Variants in TNR observed in about 807,000 individuals in gnomAD.
The protein encoded by TNR is tenascin-R.
In TNR, 45 loss-of-function variants were observed where a neutral mutation model predicts 150.4. The observed-to-expected ratio is 0.30, with a 90% CI of 0.24 to 0.38. The LOEUF is 0.38. Ranked by LOEUF, TNR falls within the 10% of genes least tolerant of loss-of-function variation. The probability of loss-of-function intolerance (pLI) is 1.00; values close to 1 mark genes in which losing one functional copy is unlikely to be tolerated. For missense variants in TNR, 1,544 were observed against 1,759.1 expected, an observed-to-expected ratio of 0.88 and a Z score of 2.19; for synonymous variants, 687 against 678.4, an observed-to-expected ratio of 1.01 and a Z score of -0.20.
intron 1 of TNR, among the ~76,000 whole-genome samples, chr1:175,626,041 G>A (rs1448225548): frequency 6.6e-6 from 1 of 152,138 alleles, no homozygotes; most frequent in Non-Finnish European, 1.5e-5. Flanking sequence ...AGTTTCACGA[G>A]GTCTGATGGG....
At chr1:175,561,391 A>G (rs1308264864) in intron 1 of TNR, among the ~76,000 whole-genome samples, 3 of 152,214 alleles carry the variant, frequency 2.0e-5, no homozygotes, top group Admixed American at 6.5e-5. Flanking sequence ...ATCATCATAC[A>G]TAGATCGCCT....
At chr1:175,737,683 C>T (rs1320020347) in intron 1 of TNR, among the ~76,000 whole-genome samples, 1 of 152,244 alleles carries the variant, frequency 6.6e-6, no homozygotes, top group Non-Finnish European at 1.5e-5. Flanking sequence ...ATAACCACAA[C>T]TTCCTCCTGG....
At chr1:175,700,594 C>T (rs1019061282) in intron 1 of TNR, among the ~76,000 whole-genome samples, 1 of 152,162 alleles carries the variant, frequency 6.6e-6, no homozygotes, top group Non-Finnish European at 1.5e-5. Flanking sequence ...ATGCCCACTG[C>T]CAAGCTCATG....
chr1:175,533,660 T>A (rs1213592950), intron 1 of TNR, among the ~76,000 whole-genome samples: 5 of 152,354 alleles, frequency 3.3e-5, no homozygotes, highest in Admixed American at 2.6e-4. Context: ...TCCATAATTA[T>A]CTTTTATTAT....
intron 2 of TNR, among the ~76,000 whole-genome samples, chr1:175,517,052 AGAGAGAAAGAG>A (rs1557981550): frequency 4.2e-4 from 60 of 141,272 alleles, no homozygotes; most frequent in African/African-American, 1.3e-3. Flanking sequence ...AGAGAGAGAG[AGAGAGAAAGAG>A]AGAGAGACCT....
intron 9 of TNR, among the ~76,000 whole-genome samples, chr1:175,368,674 G>A (rs1229354858): frequency 2.0e-5 from 3 of 152,198 alleles, no homozygotes; most frequent in Non-Finnish European, 4.4e-5. Flanking sequence ...CAAAGGCAGG[G>A]CACGGTGGCT....
In TNR at chr1:175,716,908, C is replaced by T. The variant is rs538960826; in HGVS notation, c.-165+26318G>A. Among the ~76,000 whole-genome samples the T allele has an allele frequency of 1.4e-4, 21 of 152,290 alleles. 1 individual carries two copies. Among genetic ancestry groups the T allele is most frequent in the African/African-American group, 4.8e-4 (20 of 41,552 alleles). ...CTTCTGCCTAGGATGACTTCCACTT[C>T]TCCCTCCATAGATGAAAATGCTCCC... On this transcript the variant is annotated intron_variant, in intron 1 of 22. Transcript: ENST00000367674.
rs576875257 is a variant in TNR, at chr1:175,700,243, A to T, written c.-165+42983T>A. ...ACAGCCCTCTCTTGGCCTCCCTGACACATCCAGTCATGGCTGAGCTAACAC... is the reference window on the plus strand; with the variant it reads ...ACAGCCCTCTCTTGGCCTCCCTGACTCATCCAGTCATGGCTGAGCTAACAC... On this transcript the variant is annotated intron_variant, in intron 1 of 22. Coordinates refer to ENST00000367674, the MANE Select transcript of TNR (RefSeq NM_003285.3). 6.0e-4 allele frequency among the ~76,000 whole-genome samples: 91 copies of T among 152,058 alleles called. No individual in the cohort carries two copies. The Middle Eastern group carries it at 0.02, about 34-fold the overall frequency.
chr1:175,366,300 C>T (rs958003918), intron 10 of TNR, among the ~76,000 whole-genome samples, 162 bp from the exon 11 acceptor site: 1 of 152,220 alleles, frequency 6.6e-6, no homozygotes, highest in Non-Finnish European at 1.5e-5. Flanking sequence ...TACCTTCCCT[C>T]TGAATGATGG....
Position 175,657,883 on chromosome 1 carries a change from A to ATATATATG in TNR, c.-165+85342_-165+85343insCATATATA, listed in dbSNP as rs1464419575. Among the ~76,000 whole-genome samples, 190 of 101,098 alleles carry ATATATATG rather than the reference A, an allele frequency of 1.9e-3. 9 individuals carry two copies. Among genetic ancestry groups the ATATATATG allele is most frequent in the East Asian group, 2.2e-3 (9 of 4,182 alleles). The allele number at this position is 101,098 out of a possible 152,430, so 66.3% of individuals were successfully genotyped here. ...TATATATATATATATATATATATAT[A>ATATATATG]TGTAACAAACCTGCACGTTGTGCAC... On this transcript the variant is annotated intron_variant, in intron 1 of 22. Coordinates refer to ENST00000367674, the MANE Select transcript of TNR (RefSeq NM_003285.3).
At chr1:175,718,077 G>A (rs573245599) in intron 1 of TNR, among the ~76,000 whole-genome samples, 3 of 152,326 alleles carry the variant, frequency 2.0e-5, no homozygotes, top group Admixed American at 6.5e-5. Context: ...CCCTTTTGGC[G>A]CAGCCATCGA....
At chr1:175,736,071 C>T (rs1036850876) in intron 1 of TNR, among the ~76,000 whole-genome samples, 1 of 152,194 alleles carries the variant, frequency 6.6e-6, no homozygotes, top group East Asian at 1.9e-4. Context: ...TAATTGCTAG[C>T]TTGTTGAAAC....
At chr1:175,430,963 G>A (rs558213473) in intron 2 of TNR, among the ~76,000 whole-genome samples, 2 of 152,076 alleles carry the variant, frequency 1.3e-5, no homozygotes, top group Admixed American at 6.6e-5. Context: ...TCTATCTGAG[G>A]TCCAATTTGG....
chr1:175,458,644 C>CA (rs1656674012), intron 2 of TNR, among the ~76,000 whole-genome samples: 1 of 152,122 alleles, frequency 6.6e-6, no homozygotes. Flanking sequence ...CACCAGCAGG[C>CA]AGTCTCCCTC....
chr1:175,475,901 ACTTCCC>A (rs1363297188), intron 2 of TNR, among the ~76,000 whole-genome samples: 1 of 152,194 alleles, frequency 6.6e-6, no homozygotes, highest in African/African-American at 2.4e-5. Context: ...AGAGTATCTA[ACTTCCC>A]CTCTAACCTT....
Position 175,599,869 on chromosome 1 carries a change from A to G in TNR, c.-164-71500T>C, listed in dbSNP as rs1444440456. Among the ~76,000 whole-genome samples, 1 of 152,164 alleles carries G rather than the reference A, an allele frequency of 6.6e-6. No homozygotes were observed. The highest frequency in any genetic ancestry group is 2.4e-5 in the African/African-American group (1 of 41,432). On this transcript the variant is annotated intron_variant, in intron 1 of 22. Coordinates refer to ENST00000367674, the MANE Select transcript of TNR (RefSeq NM_003285.3). The surrounding 1 kb of genome is among the most constrained non-coding windows in gnomAD (Gnocchi z 4.7). ...GATTCAACTCTTGCTGCAACTCGGG[A>G]TGGAGGCAACCCCTCGGCGTGGGGA...
chr1:175,699,475 G>A (rs1666623595), intron 1 of TNR, among the ~76,000 whole-genome samples: 1 of 152,128 alleles, frequency 6.6e-6, no homozygotes, highest in Admixed American at 6.5e-5. Context: ...TTTAACTGAG[G>A]TTGGAGATTT....
At chr1:175,426,955 T>C (rs1655015103) in intron 2 of TNR, among the ~76,000 whole-genome samples, 1 of 136,654 alleles carries the variant, frequency 7.3e-6, no homozygotes, top group South Asian at 2.2e-4. Context: ...ATATATATTA[T>C]ATATAAAATA....
At chr1:175,722,534 A>G (rs957537901) in intron 1 of TNR, among the ~76,000 whole-genome samples, 1 of 152,168 alleles carries the variant, frequency 6.6e-6, no homozygotes, top group East Asian at 1.9e-4. Flanking sequence ...GCACCATCTC[A>G]GCTCAATGCA....
Sources: gnomAD v4.1 joint callset for allele counts (sites outside exome capture counted in the v4.1 genomes callset) on GRCh38, gnomAD v4.1.1 for gene constraint, Gnocchi (gnomAD v3.1) non-coding constraint, MANE v1.5 for transcripts, NCBI Gene and HGNC (gene_info 2026-07-23, HGNC 2026-07-21) for gene names.